The following CDH4 variants were observed in gnomAD, a reference collection of about 807,000 sequenced individuals.
The protein encoded by CDH4 is cadherin 4.
CDH4 carries 33 observed loss-of-function variants against 86.0 expected under a neutral mutation model. That is an observed-to-expected ratio of 0.38 (90% CI 0.29 to 0.51). The LOEUF (loss-of-function observed/expected upper bound fraction) is 0.51. Among genes scored for constraint, CDH4 ranks in the 20% least tolerant of loss-of-function variants. The pLI, the probability that CDH4 is intolerant of heterozygous loss-of-function variation, is 0.86. For synonymous variants in CDH4, 555 were observed against 549.4 expected (o/e 1.01, Z -0.14); for missense variants, 1,114 against 1,307.4 (o/e 0.85, Z 2.28).
intron 1 of CDH4, among the ~76,000 whole-genome samples, chr20:61,253,682 C>T (rs1473916485): frequency 6.6e-6 from 1 of 152,158 alleles, no homozygotes; most frequent in Admixed American, 6.5e-5. Context: ...CGGTTTAGAG[C>T]TTTTCGTAAG....
intron 2 of CDH4, among the ~76,000 whole-genome samples, chr20:61,590,972 C>T (rs1338441073): frequency 6.6e-6 from 1 of 151,268 alleles, no homozygotes; most frequent in Non-Finnish European, 1.5e-5. Flanking sequence ...GAGCCATGAA[C>T]AGCATCCAGA....
At chr20:61,530,364 G>T (rs1458120811) in intron 2 of CDH4, among the ~76,000 whole-genome samples, 1 of 152,076 alleles carries the variant, frequency 6.6e-6, no homozygotes, top group Non-Finnish European at 1.5e-5. Flanking sequence ...TATGGCTGTT[G>T]CCCCAGTGGC....
At chr20:61,656,439 T>C (rs954128976) in intron 2 of CDH4, among the ~76,000 whole-genome samples, 1 of 148,518 alleles carries the variant, frequency 6.7e-6, no homozygotes, top group Non-Finnish European at 1.5e-5. Context: ...CATGCTGGGG[T>C]GGAAAGGTTT....
intron 4 of CDH4, among the ~76,000 whole-genome samples, chr20:61,774,468 A>G (rs140517032): frequency 0.01 from 1,586 of 152,270 alleles, 31 homozygotes; most frequent in African/African-American, 0.034. Context: ...GCATCCGGCC[A>G]TTGCTTGTGT....
rs1404025300 is a variant in CDH4, at chr20:61,518,786, A to G, written c.170-224777A>G. The stretch of plus-strand genomic sequence containing the variant: ...CCACCCATCATCCATCCTTTCATCC[A>G]TCATTCATTCATCCATCCACCCATC... On this transcript the variant is annotated intron_variant, in intron 2 of 15. Transcript: ENST00000614565. The surrounding 1 kb of genome is among the most constrained non-coding windows in gnomAD (Gnocchi z 6.3). 1.3e-5 allele frequency among the ~76,000 whole-genome samples: 2 copies of G among 151,124 alleles called. No homozygotes were observed. Among genetic ancestry groups the G allele is most frequent in the Non-Finnish European group, 3.0e-5 (2 of 67,794 alleles).
At chr20:61,562,811 A>C (rs2086230752) in intron 2 of CDH4, among the ~76,000 whole-genome samples, 1 of 152,262 alleles carries the variant, frequency 6.6e-6, no homozygotes, top group African/African-American at 2.4e-5. Context: ...ATCGTGGTTC[A>C]GTGAGTTATC....
rs561301970 is a variant in CDH4, at chr20:61,592,502, T to C, written c.170-151061T>C. 4.6e-5 allele frequency among the ~76,000 whole-genome samples: 7 copies of C among 151,770 alleles called. No individual in the cohort carries two copies. In the East Asian group the frequency reaches 1.2e-3, roughly 25 times the overall value. On this transcript the variant is annotated intron_variant, in intron 2 of 15. Coordinates refer to ENST00000614565, the MANE Select transcript of CDH4 (RefSeq NM_001794.5). Reference sequence around the variant, plus strand: ...AAAATTCAGACTTGGAAAGTACAATTTATGATGATTAGTACATTCAGAGTT... The same window carrying C: ...AAAATTCAGACTTGGAAAGTACAATCTATGATGATTAGTACATTCAGAGTT...
intron 2 of CDH4, among the ~76,000 whole-genome samples, chr20:61,351,842 G>C (rs746754152): frequency 6.6e-6 from 1 of 151,876 alleles, no homozygotes; most frequent in African/African-American, 2.4e-5. Flanking sequence ...TAAGCCTCGC[G>C]AGTAGCTGGG....
intron 7 of CDH4, among the ~76,000 whole-genome samples, chr20:61,893,528 T>G (rs1220037842): frequency 7.7e-6 from 1 of 129,192 alleles, no homozygotes. Flanking sequence ...GGTGGGCGAA[T>G]AGAGAGATGG....
intron 2 of CDH4, among the ~76,000 whole-genome samples, chr20:61,726,373 G>C (rs2088111424): frequency 6.6e-6 from 1 of 152,128 alleles, no homozygotes. Context: ...CTCCTCAACT[G>C]ATACATCTTG....
intron 6 of CDH4, among the ~76,000 whole-genome samples, chr20:61,870,280 C>A (rs1208796555): frequency 6.6e-6 from 1 of 152,194 alleles, no homozygotes; most frequent in Non-Finnish European, 1.5e-5. Context: ...ACATGACAAA[C>A]CCATGCACAA....
intron 2 of CDH4, among the ~76,000 whole-genome samples, chr20:61,446,621 G>A (rs796803744): frequency 2.0e-5 from 3 of 152,258 alleles, no homozygotes; most frequent in East Asian, 1.9e-4. Context: ...TTGTGCATGC[G>A]TTTTTCACAC....
intron 7 of CDH4, among the ~76,000 whole-genome samples, chr20:61,877,677 T>C (rs1054308637): frequency 6.6e-6 from 1 of 152,140 alleles, no homozygotes; most frequent in Non-Finnish European, 1.5e-5. Flanking sequence ...TTATTTTCCT[T>C]GATGATCCTT....
At chr20:61,588,220 G>T (rs1420705574) in intron 2 of CDH4, among the ~76,000 whole-genome samples, 1 of 152,186 alleles carries the variant, frequency 6.6e-6, no homozygotes, top group African/African-American at 2.4e-5. Flanking sequence ...ACTGGGATTT[G>T]TAGACTGGGG....
chr20:61,763,535 C>A (rs1002772864), intron 3 of CDH4, among the ~76,000 whole-genome samples: 1 of 152,226 alleles, frequency 6.6e-6, no homozygotes, highest in African/African-American at 2.4e-5. Flanking sequence ...TGCAATGTGT[C>A]CAGAGGGTCT....
chr20:61,512,937 C>A (rs549628546), intron 2 of CDH4, among the ~76,000 whole-genome samples: 92 of 152,366 alleles, frequency 6.0e-4, no homozygotes, highest in African/African-American at 2.1e-3. Flanking sequence ...ATTACAAATT[C>A]AGTCCATGAA....
At chr20:61,570,455 C>G in intron 2 of CDH4, 1 of 551,992 alleles carries the variant, frequency 1.8e-6, no homozygotes, top group East Asian at 3.0e-5. Context: ...GAGCTTGACC[C>G]GAATTGCTTC....
At chr20:61,509,314 A>G (rs567674189) in intron 2 of CDH4, among the ~76,000 whole-genome samples, 162 of 151,860 alleles carry the variant, frequency 1.1e-3, no homozygotes, top group African/African-American at 3.6e-3. Context: ...CCGCCCACGG[A>G]GGGACTCATC....
chr20:61,436,484 A>G (rs1475333372), intron 2 of CDH4: 1 of 152,160 alleles, frequency 6.6e-6, no homozygotes, highest in African/African-American at 2.4e-5. Flanking sequence ...AGTTACCTCT[A>G]ATTGTGCTTT....
Sources: gnomAD v4.1 joint callset for allele counts (sites outside exome capture counted in the v4.1 genomes callset) on GRCh38, gnomAD v4.1.1 for gene constraint, Gnocchi (gnomAD v3.1) non-coding constraint, MANE v1.5 for transcripts, NCBI Gene and HGNC (gene_info 2026-07-23, HGNC 2026-07-21) for gene names.